Variants in TOP1 observed in about 807,000 individuals in gnomAD.
TOP1 encodes the protein DNA topoisomerase 1.
Under a neutral mutation model 111.1 loss-of-function variants are expected in TOP1, and 10 were observed. The ratio of observed to expected loss-of-function variants is 0.09; its 90% CI spans 0.06 to 0.15. TOP1 has a LOEUF of 0.15. TOP1 is among the 10% of genes least tolerant of loss of function. The pLI, the probability that TOP1 is intolerant of heterozygous loss-of-function variation, is 1.00. For missense variants in TOP1, 474 were observed against 926.7 expected, an observed-to-expected ratio of 0.51 and a Z score of 6.34; for synonymous variants, 271 against 302.9, an observed-to-expected ratio of 0.89 and a Z score of 1.10.
chr20:41,064,896 TTTTGTTTG>T (rs531146190), intron 3 of TOP1, among the ~76,000 whole-genome samples: 10 of 151,922 alleles, frequency 6.6e-5, no homozygotes, highest in South Asian at 4.2e-4. Flanking sequence ...GGGGCTGGTT[TTTTGTTTG>T]TTTGTTTGTT....
intron 2 of TOP1, among the ~76,000 whole-genome samples, chr20:41,031,588 G>T (rs1388781868): frequency 6.6e-6 from 1 of 152,190 alleles, no homozygotes; most frequent in Admixed American, 6.5e-5. Context: ...TTACTGCCAG[G>T]CATGAATCTC....
chr20:41,049,086 T>TTG (rs551357609), intron 2 of TOP1, among the ~76,000 whole-genome samples: 2 of 152,206 alleles, frequency 1.3e-5, no homozygotes, highest in African/African-American at 4.8e-5. Context: ...TTTAACCCTT[T>TTG]TGTGTGTGTG....
chr20:41,081,118 C>T (rs2033783598), intron 6 of TOP1, 47 bp from the exon 7 acceptor site: 2 of 1,550,974 alleles, frequency 1.3e-6, no homozygotes, highest in African/African-American at 1.4e-5. Context: ...AGTGAGAACT[C>T]CTGAATCATA....
chr20:41,033,433 G>T (rs2033146269), intron 2 of TOP1, among the ~76,000 whole-genome samples: 1 of 150,796 alleles, frequency 6.6e-6, no homozygotes, highest in East Asian at 1.9e-4. Context: ...GAGTTGGAAA[G>T]ACATTCATTA....
In TOP1 at chr20:41,106,264, G is replaced by C. The variant is rs2034143940; in HGVS notation, c.1308+4911G>C. 6.6e-6 allele frequency among the ~76,000 whole-genome samples: 1 copy of C among 152,142 alleles called. No individual in the cohort carries two copies. Among genetic ancestry groups the C allele is most frequent in the African/African-American group, 2.4e-5 (1 of 41,422 alleles). Reference sequence around the variant, plus strand: ...TCTGTTTCTGCATCAGTAGCATACTGTCTTAACTACTGTAGCTTTATAAAG... The same window carrying C: ...TCTGTTTCTGCATCAGTAGCATACTCTCTTAACTACTGTAGCTTTATAAAG... On this transcript the variant is annotated intron_variant, in intron 13 of 20. Transcript: ENST00000361337. This position sits in a 1 kb window ranked among gnomAD's most constrained non-coding sequence, Gnocchi z 4.3.
rs1464812162 is a variant in TOP1 at position 41,029,076 on chromosome 20, G to T, written c.9G>T (p.Gly3=). Residue 3 remains glycine, a synonymous_variant, in exon 1 of 21, where the codon GGG becomes GGT. Coordinates refer to ENST00000361337, the MANE Select transcript of TOP1 (RefSeq NM_003286.4). The surrounding 1 kb of genome is among the most constrained non-coding windows in gnomAD (Gnocchi z 6.1). ...CGTCCCTCCGGGCCGACATGAGTGG[G>T]GACCACCTCCACAACGATTCCCAGG... is the stretch of plus-strand genomic sequence containing the variant. MS[G]DHLHNDSQIE... 3.9e-6 allele frequency: 6 copies of T among 1,542,672 alleles called. No individual in the cohort carries two copies. Among genetic ancestry groups the T allele is most frequent in the Non-Finnish European group, 5.2e-6 (6 of 1,148,154 alleles).
chr20:41,095,556 G>C lies in TOP1; in HGVS notation c.731-1664G>C, dbSNP rs538055796. The stretch of plus-strand genomic sequence containing the variant: ...AGCTTGGGGGTTGATGGGGGCAGCT[G>C]CGCCACCTGTTGGCCTTTTAAGTTA... On this transcript the variant is annotated intron_variant, in intron 9 of 20. Transcript: ENST00000361337. The surrounding 1 kb of genome is among the most constrained non-coding windows in gnomAD (Gnocchi z 4.6). Among the ~76,000 whole-genome samples, 39 of 152,256 alleles carry C rather than the reference G, an allele frequency of 2.6e-4. No homozygotes were observed. The highest frequency in any genetic ancestry group is 7.2e-4 in the African/African-American group (30 of 41,560).
rs1283498139 is a variant in TOP1 at position 41,115,610 on chromosome 20, A to C, written c.1707+171A>C. 6.6e-6 allele frequency among the ~76,000 whole-genome samples: 1 copy of C among 152,172 alleles called. No individual in the cohort carries two copies. The highest frequency in any genetic ancestry group is 1.5e-5 in the Non-Finnish European group (1 of 68,024). ...CTGAGTCCACGGTGAATCTGTAGTC[A>C]AGAGAAGACACATCTGCTGCAGAAC... On this transcript the variant is annotated intron_variant, in intron 16 of 20. Transcript: ENST00000361337. The surrounding 1 kb of genome is among the most constrained non-coding windows in gnomAD (Gnocchi z 6.3).
At chr20:41,072,024 T>C (rs1017272266) in intron 3 of TOP1, among the ~76,000 whole-genome samples, 5 of 152,220 alleles carry the variant, frequency 3.3e-5, no homozygotes, top group African/African-American at 7.2e-5. Flanking sequence ...TTCCTTCCTA[T>C]GGTTGATATT....
At position 41,097,137 on chromosome 20, in the gene TOP1, T is replaced by G. The variant is rs2033992689; in HGVS notation, c.731-83T>G. On this transcript the variant is annotated intron_variant, in intron 9 of 20. Coordinates refer to ENST00000361337, the MANE Select transcript of TOP1 (RefSeq NM_003286.4). The surrounding 1 kb of genome is among the most constrained non-coding windows in gnomAD (Gnocchi z 4.2). The stretch of plus-strand genomic sequence containing the variant: ...ATACCATGAGAAGGCAAACCATTAT[T>G]AAAGAGAATTCGCTAGCCCTGGGTA... 4 of 1,488,410 alleles carry G rather than the reference T, an allele frequency of 2.7e-6. No individual in the cohort carries two copies. Among genetic ancestry groups the G allele is most frequent in the Non-Finnish European group, 3.6e-6 (4 of 1,100,830 alleles). The allele number at this position is 1,488,410 out of a possible 1,614,324, so 92.2% of individuals were successfully genotyped here. A position where few individuals can be genotyped will look rare whatever the true frequency, so the allele number is the denominator to read the frequency against.
Position 41,116,188 on chromosome 20 carries a change from G to A in TOP1, c.1708-90G>A. The A allele has an allele frequency of 3.9e-6, 3 of 774,648 alleles. No homozygotes were observed. The highest frequency in any genetic ancestry group is 6.6e-6 in the Non-Finnish European group (3 of 457,924). The allele number at this position is 774,648 out of a possible 1,614,324, so 48.0% of individuals were successfully genotyped here. A position where few individuals can be genotyped will look rare whatever the true frequency, so the allele number is the denominator to read the frequency against. On this transcript the variant is annotated intron_variant, in intron 16 of 20. Coordinates refer to ENST00000361337, the MANE Select transcript of TOP1 (RefSeq NM_003286.4). The surrounding 1 kb of genome is among the most constrained non-coding windows in gnomAD (Gnocchi z 5.6). ...GTAGGGCAATAAACTTGACAAGATT[G>A]TGACTGCACTGGCATAAATTACTCC...
chr20:41,097,476 A>AT lies in TOP1; in HGVS notation c.852+141dup, dbSNP rs1217671280. ...GATTTTGTTGTATTTAAACTTGCGT[A>AT]TTTTTTGTCTTCATTTACTATATTA... On this transcript the variant is annotated intron_variant, in intron 10 of 20. Coordinates refer to ENST00000361337, the MANE Select transcript of TOP1 (RefSeq NM_003286.4). This position sits in a 1 kb window ranked among gnomAD's most constrained non-coding sequence, Gnocchi z 4.2. The AT allele has an allele frequency of 2.9e-5, 26 of 902,442 alleles. No individual in the cohort carries two copies. The East Asian group carries it at 6.5e-4, about 22-fold the overall frequency. The allele number at this position is 902,442 out of a possible 1,614,324, so 55.9% of individuals were successfully genotyped here.
chr20:41,043,738 G>A (rs1015250274), intron 2 of TOP1, among the ~76,000 whole-genome samples: 1 of 152,178 alleles, frequency 6.6e-6, no homozygotes, highest in Non-Finnish European at 1.5e-5. Context: ...CTGTGGATCC[G>A]CACGTAGGCC....
At chr20:41,057,098 T>G (rs953041639) in intron 2 of TOP1, among the ~76,000 whole-genome samples, 9 of 152,138 alleles carry the variant, frequency 5.9e-5, no homozygotes, top group African/African-American at 2.2e-4. Context: ...AAACCCCATC[T>G]CTACTAAAAT....
chr20:41,074,098 C>T (rs886336569), intron 3 of TOP1, among the ~76,000 whole-genome samples: 2 of 152,186 alleles, frequency 1.3e-5, no homozygotes, highest in African/African-American at 4.8e-5. Flanking sequence ...ATTATAATCT[C>T]AGCAACCTTG....
chr20:41,098,357 A>G lies in TOP1; in HGVS notation c.975+20A>G. On this transcript the variant is annotated intron_variant, in intron 11 of 20. Transcript: ENST00000361337. This position sits in a 1 kb window ranked among gnomAD's most constrained non-coding sequence, Gnocchi z 5.7. ...AAACTGGTACTACAGAATTTATTAA[A>G]CCTCTGGAGAATTCTGGAATTGTGA... is the stretch of plus-strand genomic sequence containing the variant. The G allele has an allele frequency of 6.2e-7, 1 of 1,604,632 alleles. No homozygotes were observed. The highest frequency in any genetic ancestry group is 1.1e-5 in the South Asian group (1 of 88,636).
At chr20:41,093,447 A>C in intron 9 of TOP1, among the ~76,000 whole-genome samples, 1 of 148,214 alleles carries the variant, frequency 6.7e-6, no homozygotes, top group Non-Finnish European at 1.5e-5. Flanking sequence ...TTTCCCAACC[A>C]TCCTTCCCTC....
At chr20:41,076,106 T>C in intron 3 of TOP1, 65 bp from the exon 4 acceptor site, 1 of 1,539,048 alleles carries the variant, frequency 6.5e-7, no homozygotes, top group Non-Finnish European at 8.7e-7. Context: ...TCTTAGGATA[T>C]CTTGTGAAAC....
intron 3 of TOP1, among the ~76,000 whole-genome samples, chr20:41,063,282 A>G (rs760213160): frequency 6.6e-6 from 1 of 152,196 alleles, no homozygotes; most frequent in Non-Finnish European, 1.5e-5. Context: ...TTCTTTTTTT[A>G]TGACCGTATA....
Sources: gnomAD v4.1 joint callset for allele counts (sites outside exome capture counted in the v4.1 genomes callset) on GRCh38, gnomAD v4.1.1 for gene constraint, Gnocchi (gnomAD v3.1) non-coding constraint, MANE v1.5 for transcripts, NCBI Gene and HGNC (gene_info 2026-07-23, HGNC 2026-07-21) for gene names.